The following RYR2 variants were observed in gnomAD, a reference collection of about 807,000 sequenced individuals.
RYR2 encodes the protein ryanodine receptor 2, also known as cardiac muscle ryanodine receptor-calcium release channel.
RYR2 carries 227 observed loss-of-function variants against 601.1 expected under a neutral mutation model. That is an observed-to-expected ratio of 0.38 (90% CI 0.34 to 0.42). The LOEUF (loss-of-function observed/expected upper bound fraction) is 0.42, where lower values mean the gene tolerates loss of function less well. Ranked by LOEUF, RYR2 falls within the 10% of genes least tolerant of loss-of-function variation. RYR2 has a pLI of 1.00. For synonymous variants in RYR2, 2,223 were observed against 2,175.1 expected, an observed-to-expected ratio of 1.02 and a Z score of -0.61; for missense variants, 4,646 against 6,156.5, an observed-to-expected ratio of 0.75 and a Z score of 8.21.
intron 51 of RYR2, 22 bp downstream of exon 51, chr1:237,651,523 A>G (rs1682729550): frequency 7.1e-7 from 1 of 1,416,524 alleles, no homozygotes; most frequent in Non-Finnish European, 9.8e-7. Flanking sequence ...AAATGTTTGT[A>G]GATATTTGAT....
chr1:237,554,290 CT>C (rs1401947250), intron 27 of RYR2, among the ~76,000 whole-genome samples: 7 of 151,896 alleles, frequency 4.6e-5, no homozygotes, highest in South Asian at 2.1e-4. Flanking sequence ...GATATCATGA[CT>C]ATCAAGTGAT....
intron 100 of RYR2, among the ~76,000 whole-genome samples, chr1:237,816,840 T>C (rs534262459): frequency 1.3e-5 from 2 of 152,218 alleles, no homozygotes; most frequent in South Asian, 4.2e-4. Context: ...AAGCACCAAG[T>C]TTTGAAAAAC....
intron 99 of RYR2, among the ~76,000 whole-genome samples, chr1:237,806,672 A>G (rs1271181456): frequency 6.6e-6 from 1 of 152,236 alleles, no homozygotes; most frequent in Non-Finnish European, 1.5e-5. Context: ...AGGTTACAGA[A>G]TCCTGACCCA....
intron 92 of RYR2, among the ~76,000 whole-genome samples, chr1:237,790,500 T>TAATCCAACTGC (rs1658244940): frequency 6.6e-6 from 1 of 152,160 alleles, no homozygotes; most frequent in African/African-American, 2.4e-5. Context: ...TTCCAAATCA[T>TAATCCAACTGC]AATCCAACTG....
Position 237,303,531 on chromosome 1 carries a change from C to T in RYR2, c.169-27347C>T, listed in dbSNP as rs528830586. On this transcript the variant is annotated intron_variant, in intron 2 of 104. Transcript: ENST00000366574. ...GCCAGGCTGGTCTTGAACTCCTTACCTTAGGTGATCTGCCTGCCTTGGCCT... is the reference window on the plus strand; with the variant it reads ...GCCAGGCTGGTCTTGAACTCCTTACTTTAGGTGATCTGCCTGCCTTGGCCT... Among the ~76,000 whole-genome samples, 130 of 152,118 alleles carry T rather than the reference C, an allele frequency of 8.5e-4. No homozygotes were observed. The South Asian group carries it at 0.011, about 13-fold the overall frequency.
At chr1:237,812,894 G>GT (rs34829137) in intron 100 of RYR2, among the ~76,000 whole-genome samples, 4,089 of 148,274 alleles carry the variant, frequency 0.028, 63 homozygotes, top group Non-Finnish European at 0.041. Flanking sequence ...AAATGTATAA[G>GT]TTTTTTTTTT....
intron 1 of RYR2, among the ~76,000 whole-genome samples, chr1:237,229,970 C>T (rs191851486): frequency 1.3e-5 from 2 of 151,630 alleles, no homozygotes; most frequent in Admixed American, 1.3e-4. Context: ...AAGAAGATAG[C>T]CCCCCCTTTT....
At chr1:237,556,856 G>T (rs1034915330) in intron 27 of RYR2, among the ~76,000 whole-genome samples, 1 of 113,408 alleles carries the variant, frequency 8.8e-6, no homozygotes, top group African/African-American at 3.6e-5. Flanking sequence ...TTCCTGTACA[G>T]CAAACTACCC....
At chr1:237,624,843 A>G (rs1165040794) in intron 39 of RYR2, among the ~76,000 whole-genome samples, 2 of 152,182 alleles carry the variant, frequency 1.3e-5, no homozygotes, top group Non-Finnish European at 2.9e-5. Context: ...GATAAAAATA[A>G]TGCCACTGGT....
At chr1:237,219,935 C>T (rs1040242315) in intron 1 of RYR2, among the ~76,000 whole-genome samples, 1 of 152,174 alleles carries the variant, frequency 6.6e-6, no homozygotes, top group African/African-American at 2.4e-5. Flanking sequence ...ATGTGGCAGG[C>T]GCTGTGCCAG....
chr1:237,429,712 A>T (rs1408508352), intron 12 of RYR2, among the ~76,000 whole-genome samples: 1 of 152,208 alleles, frequency 6.6e-6, no homozygotes, highest in African/African-American at 2.4e-5. Flanking sequence ...AAAAGGGAAA[A>T]GTATATTAAC....
At chr1:237,096,977 C>T (rs552608435) in intron 1 of RYR2, among the ~76,000 whole-genome samples, 63 of 152,284 alleles carry the variant, frequency 4.1e-4, no homozygotes, top group African/African-American at 1.4e-3. Flanking sequence ...GCTGTGCAGT[C>T]GCCCATGTGA....
intron 24 of RYR2, among the ~76,000 whole-genome samples, chr1:237,522,367 A>G (rs1290131055): frequency 1.3e-5 from 2 of 152,264 alleles, no homozygotes; most frequent in Non-Finnish European, 2.9e-5. Context: ...GTTGGGCCAC[A>G]TTCAAAGAGC....
At chr1:237,776,653 C>CTCT (rs1368473914) in intron 87 of RYR2, among the ~76,000 whole-genome samples, 1 of 151,992 alleles carries the variant, frequency 6.6e-6, no homozygotes, top group Non-Finnish European at 1.5e-5. Context: ...CTCTCTCTCT[C>CTCT]TCTCTCTTTC....
At chr1:237,272,630 A>AT (rs1269456084) in intron 2 of RYR2, among the ~76,000 whole-genome samples, 1 of 149,302 alleles carries the variant, frequency 6.7e-6, no homozygotes, top group East Asian at 1.9e-4. Flanking sequence ...ATATGTGTAT[A>AT]TATTGTTTTA....
intron 10 of RYR2, among the ~76,000 whole-genome samples, chr1:237,392,809 A>G (rs1376409833): frequency 6.6e-6 from 1 of 152,166 alleles, no homozygotes; most frequent in Admixed American, 6.5e-5. Context: ...TTGTTTGAAA[A>G]GCATTATTTA....
At chr1:237,382,777 A>G (rs1701641596) in intron 8 of RYR2, among the ~76,000 whole-genome samples, 1 of 152,146 alleles carries the variant, frequency 6.6e-6, no homozygotes, top group South Asian at 2.1e-4. Flanking sequence ...AAATATTTTC[A>G]AGTGATTTAT....
intron 80 of RYR2, among the ~76,000 whole-genome samples, chr1:237,746,347 T>A (rs1239411492): frequency 6.6e-6 from 1 of 152,184 alleles, no homozygotes; most frequent in East Asian, 1.9e-4. Context: ...ATTATTAATA[T>A]TTGCTATAGT....
intron 1 of RYR2, among the ~76,000 whole-genome samples, chr1:237,242,194 TTTTTTTTG>T (rs940541937): frequency 5.4e-4 from 21 of 38,616 alleles, no homozygotes; most frequent in Non-Finnish European, 1.7e-3. Flanking sequence ...TTGATCACTG[TTTTTTTTG>T]TTTGTTTGTT....
Sources: gnomAD v4.1 joint callset for allele counts (sites outside exome capture counted in the v4.1 genomes callset) on GRCh38, gnomAD v4.1.1 for gene constraint, MANE v1.5 for transcripts, NCBI Gene and HGNC (gene_info 2026-07-23, HGNC 2026-07-21) for gene names.